Variants in CGAS observed in about 807,000 individuals in gnomAD.
CGAS encodes the protein 2'3'-cGAMP synthase.
A neutral mutation model predicts 34.0 loss-of-function variants in CGAS; 31 were observed. That is an observed-to-expected ratio of 0.91 (90% confidence interval 0.69 to 1.23). CGAS has a LOEUF of 1.23. Among genes scored for constraint, CGAS ranks in the 50% most tolerant of loss-of-function variants. The probability of loss-of-function intolerance (pLI) is 0.00; values close to 1 mark genes in which losing one functional copy is unlikely to be tolerated. For missense variants in CGAS, 597 were observed against 657.6 expected, an observed-to-expected ratio of 0.91 and a Z score of 1.01; for synonymous variants, 266 against 260.0, an observed-to-expected ratio of 1.02 and a Z score of -0.22.
At chr6:73,450,696 T>C (rs1770549837) in intron 1 of CGAS, among the ~76,000 whole-genome samples, 1 of 151,698 alleles carries the variant, frequency 6.6e-6, no homozygotes, top group African/African-American at 2.4e-5. Flanking sequence ...TGTAAGAAAC[T>C]GGGGACAGAC....
chr6:73,446,053 G>C (rs961390856), intron 1 of CGAS, among the ~76,000 whole-genome samples: 4 of 152,152 alleles, frequency 2.6e-5, no homozygotes, highest in Non-Finnish European at 5.9e-5. Context: ...GTGGGGCCAG[G>C]TGCAGTGGCT....
intron 3 of CGAS, among the ~76,000 whole-genome samples, chr6:73,438,934 T>C (rs1197524720): frequency 2.0e-5 from 3 of 152,152 alleles, no homozygotes; most frequent in African/African-American, 7.2e-5. Context: ...CTATAATTCA[T>C]TTTGTAAAAA....
chr6:73,425,665 A>G, intron 4 of CGAS, 87 bp from the exon 5 acceptor site: 3 of 820,288 alleles, frequency 3.7e-6, no homozygotes, highest in Non-Finnish European at 5.7e-6. Context: ...AATATAAACA[A>G]TAAAGATATA....
chr6:73,426,334 G>GAAATGAAATGAAATGATAAAATA (rs1411145861), intron 4 of CGAS, among the ~76,000 whole-genome samples: 1 of 131,840 alleles, frequency 7.6e-6, no homozygotes, highest in Non-Finnish European at 1.6e-5. Context: ...TGAAATAAAT[G>GAAATGAAATGAAATGATAAAATA]AAATGAAATG....
chr6:73,450,039 A>G (rs1052908779), intron 1 of CGAS, among the ~76,000 whole-genome samples: 5 of 148,362 alleles, frequency 3.4e-5, no homozygotes, highest in African/African-American at 9.8e-5. Context: ...GAACAAAATA[A>G]AGAGAGAGAG....
At chr6:73,430,015 A>C (rs1044800417) in intron 3 of CGAS, among the ~76,000 whole-genome samples, 3 of 152,134 alleles carry the variant, frequency 2.0e-5, no homozygotes, top group Non-Finnish European at 1.5e-5. Flanking sequence ...GTCTCAATAG[A>C]TGAAGAAAAT....
intron 2 of CGAS, 82 bp downstream of exon 2, chr6:73,445,446 C>A: frequency 1.0e-6 from 1 of 1,001,064 alleles, no homozygotes; most frequent in Admixed American, 2.8e-5. Flanking sequence ...GCAGAGAGGT[C>A]AAGAAACATG....
intron 3 of CGAS, among the ~76,000 whole-genome samples, chr6:73,436,058 G>T (rs1023198198): frequency 1.3e-5 from 2 of 151,904 alleles, no homozygotes; most frequent in African/African-American, 4.8e-5. Flanking sequence ...TGTAATCTCA[G>T]CTACTTGGGA....
At position 73,425,340 on chromosome 6, in the gene CGAS, G is replaced by A; in HGVS notation, c.1456C>T (p.Pro486Ser). 1 of 1,611,088 alleles carries A rather than the reference G, an allele frequency of 6.2e-7. No individual in the cohort carries two copies. The highest frequency in any genetic ancestry group is 2.2e-5 in the East Asian group (1 of 44,876). The change falls in exon 5 of 5, where the codon CCT becomes TCT. Residue 486 changes from proline (P) to serine (S), a missense_variant. By Grantham distance (74) the Pro-to-Ser change is moderately conservative. Coordinates refer to ENST00000370315, the MANE Select transcript of CGAS (RefSeq NM_138441.3). ...RTEKLENYFI[P>S]EFNLFSSNLI... ...TTGCTAGAGAATAGATTGAATTCAGGAATAAAATAATTCTCAAGTTTTTCT... is the reference window on the plus strand; with the variant it reads ...TTGCTAGAGAATAGATTGAATTCAGAAATAAAATAATTCTCAAGTTTTTCT...
At chr6:73,431,891 G>A (rs888327397) in intron 3 of CGAS, among the ~76,000 whole-genome samples, 6 of 150,010 alleles carry the variant, frequency 4.0e-5, no homozygotes, top group Admixed American at 3.3e-4. Context: ...GCTGGAGTGC[G>A]TGAACACAGC....
chr6:73,445,888 G>T lies in CGAS; in HGVS notation c.658-141C>A. ...GTCTATATATACCCTCTGGGAGTGG[G>T]ACTAGTGGAGCTGGCAGGAGGTGGA... On this transcript the variant is annotated intron_variant, in intron 1 of 4. Transcript: ENST00000370315. The T allele has an allele frequency of 5.0e-6, 3 of 596,596 alleles. No individual in the cohort carries two copies. The South Asian group carries it at 6.9e-5, about 14-fold the overall frequency. The allele number at this position is 596,596 out of a possible 1,614,324, so 37.0% of individuals were successfully genotyped here. A position where few individuals can be genotyped will look rare whatever the true frequency, so the allele number is the denominator to read the frequency against.
At position 73,451,876 on chromosome 6, in the gene CGAS, T is replaced by C. The variant is rs761378428; in HGVS notation, c.306A>G (p.Ala102=). Residue 102 remains alanine (A), a synonymous_variant, in exon 1 of 5, where the codon GCA becomes GCG. Coordinates refer to ENST00000370315, the MANE Select transcript of CGAS (RefSeq NM_138441.3). ...QPSDATSAPG[A]EGLEPPAARE... Reference sequence around the variant, plus strand: ...GAGCCGCAGGAGGCTCCAGCCCCTCTGCCCCAGGGGCGCTGGTGGCGTCAG... The same window carrying C: ...GAGCCGCAGGAGGCTCCAGCCCCTCCGCCCCAGGGGCGCTGGTGGCGTCAG... 1.9e-6 allele frequency: 3 copies of C among 1,545,560 alleles called. No homozygotes were observed. The highest frequency in any genetic ancestry group is 2.4e-5 in the South Asian group (2 of 84,020).
At chr6:73,448,308 G>A (rs986555695) in intron 1 of CGAS, among the ~76,000 whole-genome samples, 9 of 151,970 alleles carry the variant, frequency 5.9e-5, no homozygotes, top group Non-Finnish European at 1.2e-4. Context: ...CAGGAGAATC[G>A]CTTGAACCTG....
At chr6:73,441,246 G>A (rs915442621) in intron 2 of CGAS, among the ~76,000 whole-genome samples, 2 of 151,740 alleles carry the variant, frequency 1.3e-5, no homozygotes, top group African/African-American at 2.4e-5. Flanking sequence ...GTGCCACTGT[G>A]CCTGGTTAAA....
intron 3 of CGAS, among the ~76,000 whole-genome samples, chr6:73,433,680 G>C (rs1028504025): frequency 6.6e-6 from 1 of 151,188 alleles, no homozygotes; most frequent in African/African-American, 2.4e-5. Flanking sequence ...GTAGAAATGG[G>C]GTCTTACCAT....
chr6:73,449,879 C>T (rs1330473332), intron 1 of CGAS, among the ~76,000 whole-genome samples: 1 of 151,810 alleles, frequency 6.6e-6, no homozygotes, highest in Non-Finnish European at 1.5e-5. Context: ...CCTGTAATCC[C>T]TGCTATTTGG....
At chr6:73,429,662 C>CA in intron 3 of CGAS, among the ~76,000 whole-genome samples, 2 of 151,334 alleles carry the variant, frequency 1.3e-5, no homozygotes, top group East Asian at 3.9e-4. Context: ...CTGCCTCTAC[C>CA]AAAAATACAA....
chr6:73,431,260 A>G (rs1770192170), intron 3 of CGAS, among the ~76,000 whole-genome samples: 1 of 152,124 alleles, frequency 6.6e-6, no homozygotes, highest in African/African-American at 2.4e-5. Flanking sequence ...ACCTGAGGTC[A>G]GGAGTTCGAG....
intron 4 of CGAS, 27 bp downstream of exon 4, chr6:73,428,682 T>A: frequency 6.3e-7 from 1 of 1,588,936 alleles, no homozygotes; most frequent in East Asian, 2.2e-5. Context: ...ATAGATAATC[T>A]GTCATTTAAC....
Sources: gnomAD v4.1 joint callset for allele counts (sites outside exome capture counted in the v4.1 genomes callset) on GRCh38, gnomAD v4.1.1 for gene constraint, MANE v1.5 for transcripts, NCBI Gene and HGNC (gene_info 2026-07-23, HGNC 2026-07-21) for gene names.